Variants in DACH2 observed in about 807,000 individuals in gnomAD.
The protein encoded by DACH2 is dachshund homolog 2.
In DACH2, 17 loss-of-function variants were observed where a neutral mutation model predicts 35.8. That is an observed-to-expected ratio of 0.48 (90% CI 0.33 to 0.71). DACH2 has a LOEUF of 0.71. DACH2 is among the 30% of genes least tolerant of loss of function. The pLI, the probability that DACH2 is intolerant of heterozygous loss-of-function variation, is 0.02. For missense variants in DACH2, 469 were observed against 472.7 expected (o/e 0.99, Z 0.07); for synonymous variants, 195 against 177.3 (o/e 1.10, Z -0.79).
intron 3 of DACH2, among the ~76,000 whole-genome samples, chrX:86,613,853 A>C (rs2039974303): frequency 8.9e-6 from 1 of 111,817 alleles, no homozygotes; most frequent in Admixed American, 9.5e-5. Flanking sequence ...TTCTACTTTC[A>C]TACTTAAGAT....
chrX:86,384,002 T>C (rs1458369194), intron 2 of DACH2, among the ~76,000 whole-genome samples: 1 of 111,457 alleles, frequency 9.0e-6, no homozygotes, highest in East Asian at 2.8e-4. Context: ...AATAGACTTT[T>C]GAAATTGGAG....
intron 1 of DACH2, among the ~76,000 whole-genome samples, chrX:86,360,638 C>T (rs1192420731): frequency 1.8e-5 from 2 of 110,981 alleles, no homozygotes; most frequent in African/African-American, 6.5e-5. Flanking sequence ...AGCTAATGTA[C>T]ATTCCTTTTT....
At chrX:86,657,098 G>T (rs2040552074) in intron 4 of DACH2, among the ~76,000 whole-genome samples, 1 of 107,154 alleles carries the variant, frequency 9.3e-6, no homozygotes, top group African/African-American at 3.4e-5. Flanking sequence ...GGTAGTGGGG[G>T]GTGAGGTGAG....
At position 86,466,836 on chromosome X, in the gene DACH2, C is replaced by T. The variant is rs60538875; in HGVS notation, c.528-47443C>T. On this transcript the variant is annotated intron_variant, in intron 2 of 11. Coordinates refer to ENST00000373125, the MANE Select transcript of DACH2 (RefSeq NM_053281.3). Reference sequence around the variant, plus strand: ...CTTGCACCCTCTGAAGCCACGTCCCCAGCTCTACGTTGGCCCCTTTCAGCC... The same window carrying T: ...CTTGCACCCTCTGAAGCCACGTCCCTAGCTCTACGTTGGCCCCTTTCAGCC... Among the ~76,000 whole-genome samples, 423 of 111,248 alleles carry T rather than the reference C, an allele frequency of 3.8e-3. 2 individuals carry two copies. The highest frequency in any genetic ancestry group is 0.014 in the African/African-American group (414 of 30,592).
At chrX:86,470,900 C>G (rs966720488) in intron 2 of DACH2, among the ~76,000 whole-genome samples, 1 of 111,089 alleles carries the variant, frequency 9.0e-6, no homozygotes, top group Non-Finnish European at 1.9e-5. Flanking sequence ...TGACCTAAAC[C>G]AAATAATAAA....
chrX:86,776,293 G>C (rs2042031101), intron 7 of DACH2, among the ~76,000 whole-genome samples: 1 of 111,463 alleles, frequency 9.0e-6, no homozygotes, highest in Non-Finnish European at 1.9e-5. Flanking sequence ...TTCCAGGTTT[G>C]CTCATTTGGT....
intron 1 of DACH2, among the ~76,000 whole-genome samples, chrX:86,331,435 C>T (rs372227587): frequency 1.0e-4 from 11 of 110,268 alleles, no homozygotes; most frequent in East Asian, 8.6e-4. Flanking sequence ...ATTAAATACA[C>T]TAAATTAGAA....
chrX:86,436,148 TC>T (rs1404681999), intron 2 of DACH2, among the ~76,000 whole-genome samples: 1 of 110,749 alleles, frequency 9.0e-6, no homozygotes, highest in Non-Finnish European at 1.9e-5. Context: ...ATTATAGACC[TC>T]CCCAGGACTA....
chrX:86,691,139 T>C lies in DACH2; in HGVS notation c.773-3882T>C, dbSNP rs185157687. The stretch of plus-strand genomic sequence containing the variant: ...TAGTCATGCCTTGTTAAAAATGCTG[T>C]TCAGTTTCTCTCCTCTTTACTGGAG... On this transcript the variant is annotated intron_variant, in intron 4 of 11. Coordinates refer to ENST00000373125, the MANE Select transcript of DACH2 (RefSeq NM_053281.3). Among the ~76,000 whole-genome samples the C allele has an allele frequency of 1.9e-3, 209 of 111,755 alleles. 7 individuals are homozygous for C. In the Admixed American group the frequency reaches 0.02, roughly 11 times the overall value.
chrX:86,247,599 G>A (rs191697231), intron 1 of DACH2, among the ~76,000 whole-genome samples: 71 of 111,075 alleles, frequency 6.4e-4, no homozygotes, highest in Non-Finnish European at 1.0e-3. Context: ...TATAATTTAT[G>A]AGTTCCAAAA....
chrX:86,163,725 T>A (rs1015582265), intron 1 of DACH2, among the ~76,000 whole-genome samples: 1 of 111,501 alleles, frequency 9.0e-6, no homozygotes, highest in Non-Finnish European at 1.9e-5. Context: ...CTGAGGATAA[T>A]AGCCTCCAGC....
chrX:86,798,067 G>A (rs776797424), intron 7 of DACH2, among the ~76,000 whole-genome samples: 1 of 112,251 alleles, frequency 8.9e-6, no homozygotes, highest in African/African-American at 3.2e-5. Context: ...GTATAAAAAT[G>A]GTTTATTTGT....
chrX:86,467,457 A>G, intron 2 of DACH2, among the ~76,000 whole-genome samples: 1 of 111,588 alleles, frequency 9.0e-6, no homozygotes, highest in African/African-American at 3.3e-5. Flanking sequence ...AGTCTCTAGG[A>G]AGTTCCAAAC....
At chrX:86,233,362 G>T (rs2032990062) in intron 1 of DACH2, among the ~76,000 whole-genome samples, 1 of 111,876 alleles carries the variant, frequency 8.9e-6, no homozygotes, top group African/African-American at 3.3e-5. Context: ...AAGAAAGAAA[G>T]AAAAGATACC....
chrX:86,374,589 G>T (rs1479738684), intron 1 of DACH2, among the ~76,000 whole-genome samples: 1 of 111,087 alleles, frequency 9.0e-6, no homozygotes, highest in Admixed American at 9.6e-5. Flanking sequence ...CTGCCACAAC[G>T]TTCTTGACTG....
intron 1 of DACH2, among the ~76,000 whole-genome samples, chrX:86,312,067 C>T (rs1359440687): frequency 9.0e-6 from 1 of 111,581 alleles, no homozygotes; most frequent in African/African-American, 3.3e-5. Context: ...CTGAAGGCAA[C>T]AGGAATACGG....
chrX:86,753,664 G>A (rs958889698), intron 7 of DACH2, among the ~76,000 whole-genome samples: 10 of 111,263 alleles, frequency 9.0e-5, no homozygotes, highest in Non-Finnish European at 1.5e-4. Context: ...TATTTCAGGC[G>A]TTGAGAATGT....
chrX:86,422,163 G>A (rs757581290), intron 2 of DACH2, among the ~76,000 whole-genome samples: 12 of 110,796 alleles, frequency 1.1e-4, no homozygotes, highest in East Asian at 2.8e-4. Context: ...TTAAGTTAGC[G>A]CAGAACAGAA....
rs2030235113 is a variant in DACH2, at chrX:86,148,520, CGCCAGAGAGAGCGA to C, written c.-99_-86del. 1.0e-6 allele frequency: 1 copy of C among 965,349 alleles called. No individual in the cohort carries two copies. Among genetic ancestry groups the C allele is most frequent in the Non-Finnish European group, 1.4e-6 (1 of 721,159 alleles). The allele number at this position is 965,349 out of a possible 1,213,427, so 79.6% of individuals were successfully genotyped here. A position where few individuals can be genotyped will look rare whatever the true frequency, so the allele number is the denominator to read the frequency against. ...GAACAGTTCGGAGCCAGCGAGAGCG[CGCCAGAGAGAGCGA>C]GAGTGAGGGAGTGAGTGCGAGGGGA... On this transcript the variant is annotated 5_prime_UTR_variant, in exon 1 of 12. Transcript: ENST00000373125.
Sources: gnomAD v4.1 joint callset for allele counts (sites outside exome capture counted in the v4.1 genomes callset) on GRCh38, gnomAD v4.1.1 for gene constraint, MANE v1.5 for transcripts, NCBI Gene and HGNC (gene_info 2026-07-23, HGNC 2026-07-21) for gene names.